ELMO1: variants seen among roughly 807,000 people sequenced by gnomAD.
The protein encoded by ELMO1 is engulfment and cell motility protein 1.
A neutral mutation model predicts 98.9 loss-of-function variants in ELMO1; 26 were observed. The ratio of observed to expected loss-of-function variants is 0.26; its 90% CI spans 0.19 to 0.36. ELMO1 has a LOEUF of 0.36. Ranked by LOEUF, ELMO1 falls within the 10% of genes least tolerant of loss-of-function variation. ELMO1 has a pLI of 1.00. For missense variants in ELMO1, 627 were observed against 935.2 expected, an observed-to-expected ratio of 0.67 and a Z score of 4.30; for synonymous variants, 346 against 346.0, an observed-to-expected ratio of 1.00 and a Z score of 0.00.
rs370560955 is a variant in ELMO1, at chr7:37,372,055, G to T, written c.-73-29292C>A. ...GACTTAAATTGCTACAAATACTGCC[G>T]GTAATTACCATTTAGTCATTCTCTT... On this transcript the variant is annotated intron_variant, in intron 1 of 21. Transcript: ENST00000310758. Among the ~76,000 whole-genome samples, 66 of 151,900 alleles carry T rather than the reference G, an allele frequency of 4.3e-4. No individual in the cohort carries two copies. In the East Asian group the frequency reaches 5.0e-3, roughly 12 times the overall value.
Position 37,133,181 on chromosome 7 carries a change from A to G in ELMO1, c.1140T>C (p.Ala380=). The G allele has an allele frequency of 6.2e-7, 1 of 1,613,328 alleles. No individual in the cohort carries two copies. The part of the protein sequence containing the change: ...DFTQTPPGML[A]LDNMLYFAKH... ...TGGCAAAGTACAGCATGTTGTCCAG[A>G]GCCAACATCCCAGGTGGAGTCTGCG... The change falls in exon 14 of 22, where the codon GCT becomes GCC. Residue 380 remains alanine (A), a synonymous_variant. Coordinates refer to ENST00000310758, the MANE Select transcript of ELMO1 (RefSeq NM_014800.11).
At chr7:36,947,099 T>TA (rs1174016343) in intron 16 of ELMO1, among the ~76,000 whole-genome samples, 1 of 152,180 alleles carries the variant, frequency 6.6e-6, no homozygotes, top group Non-Finnish European at 1.5e-5. Context: ...ACCCAATAGG[T>TA]AGTTTTTCCA....
intron 16 of ELMO1, among the ~76,000 whole-genome samples, chr7:36,987,996 G>T (rs1791630954): frequency 6.6e-6 from 1 of 152,226 alleles, no homozygotes. Context: ...GACCTCAGGT[G>T]ATCCATCCAC....
chr7:37,041,692 G>A (rs1795517262), intron 15 of ELMO1, among the ~76,000 whole-genome samples: 2 of 152,010 alleles, frequency 1.3e-5, no homozygotes, highest in Admixed American at 1.3e-4. Flanking sequence ...CAGAAGAAAG[G>A]AGAATGAAGA....
In ELMO1 at chr7:37,211,409, C is replaced by T; in HGVS notation, c.1063G>A (p.Asp355Asn). Reference protein sequence around the residue: ...MEKRKSMYTRDYKKLGFINHV... With the variant: ...MEKRKSMYTRNYKKLGFINHV... Reference sequence around the variant, plus strand: ...ACAATGAACCCAAGCTTCTTATAATCTCGCGTGTACATGGACTTGCGTTTC... The same window carrying T: ...ACAATGAACCCAAGCTTCTTATAATTTCGCGTGTACATGGACTTGCGTTTC... Residue 355 changes from aspartate (D) to asparagine (N), a missense_variant, in exon 13 of 22, where the codon GAT (aspartate) becomes AAT (asparagine). Physicochemically the swap from Asp to Asn is conservative, Grantham distance 23. This residue lies in a region of ELMO1 where 492 missense variants were observed against 715.6 expected (regional missense o/e 0.69). Transcript: ENST00000310758. 6.2e-7 allele frequency: 1 copy of T among 1,614,060 alleles called. No homozygotes were observed. Among genetic ancestry groups the T allele is most frequent in the Non-Finnish European group, 8.5e-7 (1 of 1,179,966 alleles).
At chr7:37,208,162 G>A (rs1584810425) in intron 13 of ELMO1, among the ~76,000 whole-genome samples, 2 of 152,356 alleles carry the variant, frequency 1.3e-5, no homozygotes, top group South Asian at 2.1e-4. Context: ...AAGGGAAGTA[G>A]CACTGGCTGA....
chr7:37,022,484 G>A (rs972716100), intron 15 of ELMO1, among the ~76,000 whole-genome samples: 4 of 152,132 alleles, frequency 2.6e-5, no homozygotes, highest in Non-Finnish European at 5.9e-5. Context: ...AAGGAGCTAA[G>A]CTTTTTAAGT....
intron 16 of ELMO1, among the ~76,000 whole-genome samples, chr7:36,964,621 A>C (rs1171405409): frequency 6.6e-6 from 1 of 152,150 alleles, no homozygotes; most frequent in Non-Finnish European, 1.5e-5. Flanking sequence ...TTTTTTAACT[A>C]ATTAGAATTA....
At chr7:37,302,730 T>C (rs946468322) in intron 4 of ELMO1, among the ~76,000 whole-genome samples, 7 of 152,206 alleles carry the variant, frequency 4.6e-5, no homozygotes, top group African/African-American at 1.7e-4. Context: ...AAACAGTGAG[T>C]ATAAGTAATC....
chr7:37,192,597 G>T (rs1353838265), intron 13 of ELMO1, among the ~76,000 whole-genome samples: 1 of 150,412 alleles, frequency 6.6e-6, no homozygotes, highest in Non-Finnish European at 1.5e-5. Flanking sequence ...TCAGGAGTTC[G>T]AGCCAGCCTG....
chr7:37,006,756 T>C (rs1793158228), intron 16 of ELMO1, among the ~76,000 whole-genome samples: 1 of 152,122 alleles, frequency 6.6e-6, no homozygotes, highest in Non-Finnish European at 1.5e-5. Context: ...GAAGGAGAAA[T>C]ATTGCTCTGT....
intron 1 of ELMO1, among the ~76,000 whole-genome samples, chr7:37,376,287 G>C (rs778249205): frequency 6.6e-6 from 1 of 152,052 alleles, no homozygotes; most frequent in African/African-American, 2.4e-5. Context: ...ATCTTGCTTC[G>C]AACAGCCCTT....
At chr7:37,350,330 GT>G (rs1260123151) in intron 1 of ELMO1, among the ~76,000 whole-genome samples, 1 of 152,202 alleles carries the variant, frequency 6.6e-6, no homozygotes, top group Non-Finnish European at 1.5e-5. Flanking sequence ...TACTTGACAG[GT>G]GGGGAAATGT....
intron 16 of ELMO1, among the ~76,000 whole-genome samples, chr7:36,899,700 T>TTTTTTTTTTTTTTTTTTTTC (rs60221089): frequency 7.0e-6 from 1 of 143,542 alleles, no homozygotes. Context: ...TTTTTTTTTT[T>TTTTTTTTTTTTTTTTTTTTC]ACCACTCCTA....
chr7:37,038,313 T>G (rs543729620), intron 15 of ELMO1, among the ~76,000 whole-genome samples: 118 of 152,244 alleles, frequency 7.8e-4, no homozygotes, highest in African/African-American at 2.5e-3. Context: ...CAGCCCCACC[T>G]TCATCCTGTC....
At chr7:36,998,266 C>G (rs1312893416) in intron 16 of ELMO1, among the ~76,000 whole-genome samples, 1 of 152,168 alleles carries the variant, frequency 6.6e-6, no homozygotes, top group Admixed American at 6.5e-5. Context: ...TTTAGAACAA[C>G]TCAACGACTC....
In ELMO1 at chr7:37,050,815, G is replaced by GT. The variant is rs35164150; in HGVS notation, c.1301-37381dup. ...ATAGATGTAGAAGCCAAGTTCAAAG[G>GT]TTTTTTTTTTTTTAATCACAACCTT... On this transcript the variant is annotated intron_variant, in intron 15 of 21. Coordinates refer to ENST00000310758, the MANE Select transcript of ELMO1 (RefSeq NM_014800.11). Among the ~76,000 whole-genome samples the GT allele has an allele frequency of 8.4e-3, 1,208 of 144,066 alleles. 13 individuals are homozygous for GT. The highest frequency in any genetic ancestry group is 0.025 in the African/African-American group (983 of 39,622). The allele number at this position is 144,066 out of a possible 152,430, so 94.5% of individuals were successfully genotyped here. A position where few individuals can be genotyped will look rare whatever the true frequency, so the allele number is the denominator to read the frequency against.
intron 15 of ELMO1, among the ~76,000 whole-genome samples, chr7:37,059,573 G>C (rs1056719097): frequency 4.3e-5 from 6 of 139,666 alleles, no homozygotes; most frequent in Non-Finnish European, 9.5e-5. Flanking sequence ...ATCATTCACT[G>C]TTATGTTAAT....
chr7:37,067,203 C>T (rs1797029062), intron 15 of ELMO1, among the ~76,000 whole-genome samples: 1 of 152,124 alleles, frequency 6.6e-6, no homozygotes, highest in African/African-American at 2.4e-5. Flanking sequence ...GGCACGCAAC[C>T]CAAGCATTCA....
Sources: gnomAD v4.1 joint callset for allele counts (sites outside exome capture counted in the v4.1 genomes callset) on GRCh38, gnomAD v4.1.1 for gene constraint, gnomAD v4.1.1 regional missense constraint, MANE v1.5 for transcripts, NCBI Gene and HGNC (gene_info 2026-07-23, HGNC 2026-07-21) for gene names.